Variants in ADAM17 observed in about 807,000 individuals in gnomAD.
The protein encoded by ADAM17 is disintegrin and metalloproteinase domain-containing protein 17.
In ADAM17, 39 loss-of-function variants were observed where a neutral mutation model predicts 96.7. That is an observed-to-expected ratio of 0.40 (90% confidence interval 0.31 to 0.53). The LOEUF is 0.53. Among genes scored for constraint, ADAM17 ranks in the 20% least tolerant of loss-of-function variants. The pLI is 0.44. For synonymous variants in ADAM17, 344 were observed against 359.2 expected, an observed-to-expected ratio of 0.96 and a Z score of 0.48; for missense variants, 777 against 1,013.2, an observed-to-expected ratio of 0.77 and a Z score of 3.17.
Position 9,502,248 on chromosome 2 carries a change from A to T in ADAM17, c.1573T>A (p.Cys525Ser). 1 of 1,614,012 alleles carries T rather than the reference A, an allele frequency of 6.2e-7. No homozygotes were observed. Among genetic ancestry groups the T allele is most frequent in the Non-Finnish European group, 8.5e-7 (1 of 1,180,002 alleles). Reference protein sequence around the residue: ...SDRNSPCCKNCQFETAQKKCQ... With the variant: ...SDRNSPCCKNSQFETAQKKCQ... ...TTCTTCTGGGCAGTCTCAAACTGAC[A>T]GTTTTTACAGCAAGGACTGTTCCTG... Residue 525 changes from cysteine to serine, a missense_variant, in exon 13 of 19, where the codon TGT (cysteine) becomes AGT (serine). Physicochemically the swap from Cys to Ser is moderately radical, Grantham distance 112. Around this residue, in one of 3 missense-constraint regions of ADAM17, gnomAD observed 446 missense variants for 664.7 expected, o/e 0.67. Coordinates refer to ENST00000310823, the MANE Select transcript of ADAM17 (RefSeq NM_003183.6).
chr2:9,552,909 G>A (rs932611702), intron 1 of ADAM17, among the ~76,000 whole-genome samples: 1 of 149,394 alleles, frequency 6.7e-6, no homozygotes, highest in African/African-American at 2.6e-5. Context: ...ATGCCTAATC[G>A]ATATTGAGTA....
intron 12 of ADAM17, among the ~76,000 whole-genome samples, chr2:9,503,281 A>G (rs1441443361): frequency 6.6e-6 from 1 of 152,176 alleles, no homozygotes; most frequent in Non-Finnish European, 1.5e-5. Context: ...TTAAATCTCA[A>G]TTATTCACCA....
At chr2:9,523,746 G>A (rs55965817) in intron 6 of ADAM17, among the ~76,000 whole-genome samples, 9,719 of 152,164 alleles carry the variant, frequency 0.064, 1,102 homozygotes, top group African/African-American at 0.22. Context: ...GGATTTCCTT[G>A]AGCCTCTGTC....
At position 9,555,703 on chromosome 2, in the gene ADAM17, G is replaced by A. The variant is rs1239176783; in HGVS notation, c.-98C>T. The A allele has an allele frequency of 1.9e-6, 2 of 1,030,090 alleles. No homozygotes were observed. Among genetic ancestry groups the A allele is most frequent in the African/African-American group, 1.6e-5 (1 of 60,918 alleles). The allele number at this position is 1,030,090 out of a possible 1,614,324, so 63.8% of individuals were successfully genotyped here. On this transcript the variant is annotated 5_prime_UTR_variant, in exon 1 of 19. Transcript: ENST00000310823. ...ATCGGGGGAGGACGGGATCCGCCCG[G>A]CCTAGCCCCTCAATCCTCTTTTCCC...
intron 1 of ADAM17, among the ~76,000 whole-genome samples, chr2:9,552,797 A>G (rs560103753): frequency 6.6e-6 from 1 of 152,342 alleles, no homozygotes; most frequent in South Asian, 2.1e-4. Context: ...TATGCAATTC[A>G]TAACAGTTCA....
chr2:9,546,453 T>C (rs1665406712), intron 1 of ADAM17, among the ~76,000 whole-genome samples: 1 of 152,226 alleles, frequency 6.6e-6, no homozygotes, highest in African/African-American at 2.4e-5. Context: ...CTATTGTGTT[T>C]TCACTAACAA....
At chr2:9,527,283 C>CAAAAAAAACA (rs34163664) in intron 5 of ADAM17, among the ~76,000 whole-genome samples, 2 of 150,122 alleles carry the variant, frequency 1.3e-5, no homozygotes, top group African/African-American at 4.9e-5. Context: ...GATCGCGCTG[C>CAAAAAAAACA]AAACAAAACA....
At chr2:9,501,011 G>C (rs530528466) in intron 13 of ADAM17, among the ~76,000 whole-genome samples, 4 of 152,162 alleles carry the variant, frequency 2.6e-5, no homozygotes, top group African/African-American at 7.2e-5. Flanking sequence ...ACAAAATGAT[G>C]GATTTGATTA....
intron 7 of ADAM17, chr2:9,522,428 TCAAA>T (rs1664352780): frequency 3.4e-6 from 2 of 593,574 alleles, no homozygotes; most frequent in African/African-American, 3.6e-5. Context: ...TGTTACCTAT[TCAAA>T]TAATAACTTA....
At chr2:9,492,802 T>C (rs1315264727) in intron 17 of ADAM17, 96 bp downstream of exon 17, 4 of 1,052,284 alleles carry the variant, frequency 3.8e-6, no homozygotes, top group Non-Finnish European at 5.3e-6. Flanking sequence ...GGCCAAACTT[T>C]GCTAAGAACA....
At position 9,489,747 on chromosome 2, in the gene ADAM17, A is replaced by C. The variant is rs1248071398; in HGVS notation, c.*430T>G. Reference sequence around the variant, plus strand: ...AGGCAAAAAAAAAAAAAAAAAAAAAAAACTATTCCAGTTGTCATCACAAAT... The same window carrying C: ...AGGCAAAAAAAAAAAAAAAAAAAAACAACTATTCCAGTTGTCATCACAAAT... On this transcript the variant is annotated 3_prime_UTR_variant, in exon 19 of 19. Transcript: ENST00000310823. The C allele has an allele frequency of 7.1e-6, 1 of 141,218 alleles. No individual in the cohort carries two copies. Among genetic ancestry groups the C allele is most frequent in the Non-Finnish European group, 1.5e-5 (1 of 64,592 alleles). 8.7% of individuals were successfully genotyped at this position (141,218 alleles called of 1,614,324 possible). A position where few individuals can be genotyped will look rare whatever the true frequency, so the allele number is the denominator to read the frequency against.
chr2:9,514,518 A>AATATAAATAT (rs1663933473), intron 10 of ADAM17, among the ~76,000 whole-genome samples: 3 of 89,880 alleles, frequency 3.3e-5, no homozygotes, highest in East Asian at 5.3e-4. Context: ...TTAAAATATA[A>AATATAAATAT]ATATATATAT....
rs898194030 is a variant in ADAM17, at chr2:9,518,895, T to C, written c.958-648A>G. ...TCTCCAAGTTTAAAAAAACCTTAAT[T>C]TGGGGGGGGGGTTTGATTTATTTTG... On this transcript the variant is annotated intron_variant, in intron 8 of 18. Transcript: ENST00000310823. Among the ~76,000 whole-genome samples, 6 of 91,722 alleles carry C rather than the reference T, an allele frequency of 6.5e-5. No individual in the cohort carries two copies. The East Asian group carries it at 1.1e-3, about 17-fold the overall frequency. The allele number at this position is 91,722 out of a possible 152,430, so 60.2% of individuals were successfully genotyped here.
At chr2:9,526,641 C>T (rs576276188) in intron 5 of ADAM17, among the ~76,000 whole-genome samples, 2 of 152,134 alleles carry the variant, frequency 1.3e-5, no homozygotes, top group South Asian at 4.1e-4. Context: ...ATTAAAAATA[C>T]AAAAATTAGC....
intron 2 of ADAM17, among the ~76,000 whole-genome samples, chr2:9,540,467 A>C (rs1302623609): frequency 6.6e-6 from 1 of 152,172 alleles, no homozygotes; most frequent in African/African-American, 2.4e-5. Context: ...ACAGAAAATA[A>C]GTACCTGATT....
intron 6 of ADAM17, among the ~76,000 whole-genome samples, chr2:9,524,997 T>C (rs1245965665): frequency 6.6e-6 from 1 of 152,166 alleles, no homozygotes; most frequent in Non-Finnish European, 1.5e-5. Context: ...TATATTCATA[T>C]TTATAGTGCA....
Position 9,490,432 on chromosome 2 carries a change from C to T in ADAM17, c.2220G>A (p.Gln740=), listed in dbSNP as rs766337117. Residue 740 remains glutamine (Q), a synonymous_variant, in exon 19 of 19, where the codon CAG becomes CAA. Transcript: ENST00000310823. ...FPAPQTPGRL[Q]PAPVIPSAPA... ...GCGCCGAAGGGATCACAGGGGCAGG[C>T]TGCAGGCGGCCTGGAGTCTGGGGCG... The T allele has an allele frequency of 1.5e-5, 24 of 1,614,084 alleles. No homozygotes were observed. Among genetic ancestry groups the T allele is most frequent in the Non-Finnish European group, 5.1e-6 (6 of 1,180,052 alleles).
rs1336573898 is a variant in ADAM17 at position 9,489,753 on chromosome 2, TTCCAGTTG to T, written c.*416_*423del. On this transcript the variant is annotated 3_prime_UTR_variant, in exon 19 of 19. Transcript: ENST00000310823. ...AAAAAAAAAAAAAAAAAAAAAACTA[TTCCAGTTG>T]TCATCACAAATAAATGCCAAATGCC... The T allele has an allele frequency of 1.4e-5, 2 of 142,052 alleles. No individual in the cohort carries two copies. Among genetic ancestry groups the T allele is most frequent in the African/African-American group, 5.5e-5 (2 of 36,580 alleles). 8.8% of individuals were successfully genotyped at this position (142,052 alleles called of 1,614,324 possible). A position where few individuals can be genotyped will look rare whatever the true frequency, so the allele number is the denominator to read the frequency against.
intron 7 of ADAM17, 155 bp from the exon 8 acceptor site, chr2:9,521,471 G>T: frequency 2.4e-6 from 1 of 411,944 alleles, no homozygotes; most frequent in Non-Finnish European, 4.4e-6. Context: ...AATATTCAAT[G>T]TTTGAAACAA....
Sources: gnomAD v4.1 joint callset for allele counts (sites outside exome capture counted in the v4.1 genomes callset) on GRCh38, gnomAD v4.1.1 for gene constraint, gnomAD v4.1.1 regional missense constraint, MANE v1.5 for transcripts, NCBI Gene and HGNC (gene_info 2026-07-23, HGNC 2026-07-21) for gene names.